Variants in XYLT1 observed in about 807,000 individuals in gnomAD.
XYLT1 encodes beta-D-xylosyltransferase 1.
A neutral mutation model predicts 91.3 loss-of-function variants in XYLT1; 36 were observed. That is an observed-to-expected ratio of 0.39 (90% CI 0.30 to 0.52). The LOEUF (loss-of-function observed/expected upper bound fraction) is 0.52, where lower values mean the gene tolerates loss of function less well. Among genes scored for constraint, XYLT1 ranks in the 20% least tolerant of loss-of-function variants. The probability of loss-of-function intolerance (pLI) is 0.68; values close to 1 mark genes in which losing one functional copy is unlikely to be tolerated. For synonymous variants in XYLT1, 588 were observed against 532.0 expected, an observed-to-expected ratio of 1.11 and a Z score of -1.45; for missense variants, 1,242 against 1,284.5, an observed-to-expected ratio of 0.97 and a Z score of 0.51.
chr16:17,440,206 C>T (rs2036514800), intron 1 of XYLT1, among the ~76,000 whole-genome samples: 1 of 152,202 alleles, frequency 6.6e-6, no homozygotes, highest in African/African-American at 2.4e-5. Context: ...GCAAATCCTC[C>T]CCAGTAGAAC....
intron 5 of XYLT1, among the ~76,000 whole-genome samples, chr16:17,181,730 C>G (rs1178474423): frequency 2.6e-5 from 4 of 151,996 alleles, no homozygotes; most frequent in East Asian, 1.9e-4. Flanking sequence ...TTCTGTGAAC[C>G]CTTCCTCCTC....
chr16:17,123,619 A>G (rs534499387), intron 10 of XYLT1, among the ~76,000 whole-genome samples: 3 of 152,324 alleles, frequency 2.0e-5, no homozygotes, highest in African/African-American at 4.8e-5. Context: ...AGAATGTTCC[A>G]TGTGCTGATG....
At chr16:17,379,763 T>TCTCTTTCTCACACACA (rs373354877) in intron 1 of XYLT1, among the ~76,000 whole-genome samples, 11 of 125,622 alleles carry the variant, frequency 8.8e-5, no homozygotes, top group African/African-American at 2.5e-4. Context: ...TCTCTCTCTC[T>TCTCTTTCTCACACACA]CACACACACA....
At chr16:17,273,980 C>T (rs2033934550) in intron 2 of XYLT1, among the ~76,000 whole-genome samples, 2 of 151,766 alleles carry the variant, frequency 1.3e-5, no homozygotes, top group South Asian at 2.1e-4. Context: ...AGCATGATCT[C>T]GGCTCACTGC....
At chr16:17,383,217 A>G (rs2035703003) in intron 1 of XYLT1, among the ~76,000 whole-genome samples, 2 of 151,814 alleles carry the variant, frequency 1.3e-5, no homozygotes, top group South Asian at 2.1e-4. Context: ...GCAGCTTCAC[A>G]TCTTCCTCCT....
intron 3 of XYLT1, among the ~76,000 whole-genome samples, chr16:17,216,561 C>T (rs2032864391): frequency 6.9e-6 from 1 of 144,594 alleles, no homozygotes; most frequent in South Asian, 2.1e-4. Context: ...GCTGTCACGT[C>T]ACATAATGCA....
In XYLT1 at chr16:17,108,598, G is replaced by A. The variant is rs1436181906; in HGVS notation, c.*97C>T. On this transcript the variant is annotated 3_prime_UTR_variant, in exon 12 of 12. Coordinates refer to ENST00000261381, the MANE Select transcript of XYLT1 (RefSeq NM_022166.4). ...GCCAGGAGAGACCCATTCACAGAGG[G>A]CCTCCCCCAGGGTGGGAGGCCGGGG... is the stretch of plus-strand genomic sequence containing the variant. 58 of 1,218,252 alleles carry A rather than the reference G, an allele frequency of 4.8e-5. No individual in the cohort carries two copies. Among genetic ancestry groups the A allele is most frequent in the Non-Finnish European group, 6.1e-5 (55 of 901,678 alleles). The allele number at this position is 1,218,252 out of a possible 1,614,324, so 75.5% of individuals were successfully genotyped here.
intron 2 of XYLT1, among the ~76,000 whole-genome samples, chr16:17,292,081 T>TACACACACACACACACACACACAC (rs10568382): frequency 6.7e-6 from 1 of 148,984 alleles, no homozygotes; most frequent in African/African-American, 2.5e-5. Flanking sequence ...CACTAAACCA[T>TACACACACACACACACACACACAC]ACACACACAC....
chr16:17,101,938 A>G lies in XYLT1; in HGVS notation c.*6757T>C, dbSNP rs1399427948. ...GGAAAGGAAAACACGTTTGCCAACC[A>G]ACCAACCAGTTGGGTATAGGAAACT... is the stretch of plus-strand genomic sequence containing the variant. On this transcript the variant is annotated 3_prime_UTR_variant, in exon 12 of 12. Coordinates refer to ENST00000261381, the MANE Select transcript of XYLT1 (RefSeq NM_022166.4). 2 of 152,260 alleles carry G rather than the reference A, an allele frequency of 1.3e-5. No individual in the cohort carries two copies. The highest frequency in any genetic ancestry group is 4.8e-5 in the African/African-American group (2 of 41,466). The allele number at this position is 152,260 out of a possible 1,614,324, so 9.4% of individuals were successfully genotyped here.
At chr16:17,147,710 C>A (rs1012707752) in intron 6 of XYLT1, among the ~76,000 whole-genome samples, 9 of 152,206 alleles carry the variant, frequency 5.9e-5, no homozygotes, top group African/African-American at 2.2e-4. Flanking sequence ...AGAGGCCCAG[C>A]AACAGGGTAT....
intron 5 of XYLT1, chr16:17,193,113 C>T (rs2032356334): frequency 6.6e-6 from 1 of 152,102 alleles, no homozygotes; most frequent in Non-Finnish European, 1.5e-5. Context: ...GTGCTTGGCC[C>T]ACTTTTCCCT....
Position 17,200,508 on chromosome 16 carries a change from G to T in XYLT1, c.1060C>A (p.His354Asn), listed in dbSNP as rs1326864148. Residue 354 changes from histidine to asparagine, a missense_variant, in exon 4 of 12, where the codon CAC becomes AAC. By Grantham distance (68) the His-to-Asn change is moderately conservative. This residue lies in a region of XYLT1 where 294 missense variants were observed against 376.0 expected (regional missense o/e 0.78). Coordinates refer to ENST00000261381, the MANE Select transcript of XYLT1 (RefSeq NM_022166.4). ...TTGTCCACGTGGATGTAGTAGAAGT[G>T]GTCTTTGTGGTAGATGGCCTTGAAC... is the stretch of plus-strand genomic sequence containing the variant. ...RMFKAIYHKD[H>N]FYYIHVDKRS... The T allele has an allele frequency of 1.2e-6, 2 of 1,613,994 alleles. No homozygotes were observed. The highest frequency in any genetic ancestry group is 1.7e-6 in the Non-Finnish European group (2 of 1,179,950).
intron 1 of XYLT1, among the ~76,000 whole-genome samples, chr16:17,413,875 C>T: frequency 6.6e-6 from 1 of 152,142 alleles, no homozygotes; most frequent in East Asian, 1.9e-4. Context: ...ACCCCCTCAG[C>T]CATCACCATA....
chr16:17,122,137 A>G (rs1358916035), intron 10 of XYLT1, among the ~76,000 whole-genome samples: 3 of 152,180 alleles, frequency 2.0e-5, no homozygotes, highest in African/African-American at 7.2e-5. Flanking sequence ...GAATTGCTGG[A>G]TCAAATGGTA....
At chr16:17,427,720 C>T (rs940584733) in intron 1 of XYLT1, among the ~76,000 whole-genome samples, 1 of 152,210 alleles carries the variant, frequency 6.6e-6, no homozygotes, top group Non-Finnish European at 1.5e-5. Flanking sequence ...ATTTAAAAGA[C>T]TCACTGTTTC....
intron 8 of XYLT1, among the ~76,000 whole-genome samples, chr16:17,135,940 C>T (rs2030702074): frequency 6.6e-6 from 1 of 152,148 alleles, no homozygotes; most frequent in African/African-American, 2.4e-5. Flanking sequence ...TGACTTTGGC[C>T]CCCAGGGCTA....
intron 2 of XYLT1, among the ~76,000 whole-genome samples, chr16:17,280,947 T>C (rs1281626691): frequency 1.3e-5 from 2 of 152,218 alleles, no homozygotes; most frequent in Non-Finnish European, 2.9e-5. Context: ...TGGACTAATC[T>C]GGGAGCCTTC....
chr16:17,181,013 T>C (rs971011232), intron 5 of XYLT1, among the ~76,000 whole-genome samples: 3 of 152,132 alleles, frequency 2.0e-5, no homozygotes, highest in African/African-American at 7.2e-5. Flanking sequence ...AGGCTGGGAA[T>C]TGGAAGGAAG....
At chr16:17,335,176 C>T (rs1371818917) in intron 2 of XYLT1, among the ~76,000 whole-genome samples, 4 of 150,266 alleles carry the variant, frequency 2.7e-5, no homozygotes, top group Admixed American at 6.6e-5. Context: ...GCTGAGATTG[C>T]GCCACTGCAC....
Sources: allele counts gnomAD v4.1 joint callset (sites outside exome capture counted in the v4.1 genomes callset), GRCh38; gene constraint gnomAD v4.1.1; regional missense constraint gnomAD v4.1.1; transcripts MANE v1.5; gene names NCBI Gene and HGNC (gene_info 2026-07-23, HGNC 2026-07-21).